SNX7: variants seen among roughly 807,000 people sequenced by gnomAD.
The protein encoded by SNX7 is sorting nexin-7.
SNX7 carries 35 observed loss-of-function variants against 48.4 expected under a neutral mutation model. The observed-to-expected ratio is 0.72, with a 90% confidence interval of 0.55 to 0.96. SNX7 has a LOEUF of 0.96. Ranked by LOEUF, SNX7 falls within the 40% of genes least tolerant of loss-of-function variation. The pLI is 0.00. For synonymous variants in SNX7, 190 were observed against 190.2 expected, an observed-to-expected ratio of 1.00 and a Z score of 0.01; for missense variants, 553 against 548.9, an observed-to-expected ratio of 1.01 and a Z score of -0.07.
chr1:98,667,044 A>G (rs1239568395), intron 1 of SNX7, among the ~76,000 whole-genome samples: 1 of 152,182 alleles, frequency 6.6e-6, no homozygotes, highest in East Asian at 1.9e-4. Context: ...TTGAGCCCTC[A>G]TGTATAATGG....
Position 98,743,764 on chromosome 1 carries a change from A to G in SNX7, c.1278+5375A>G, listed in dbSNP as rs555862504. ...TTGGGAAAATGGTGAAATAAATTCT[A>G]GTGACATGGTTGTTTGTTTTAAACT... On this transcript the variant is annotated intron_variant, in intron 8 of 8. Transcript: ENST00000306121. Among the ~76,000 whole-genome samples, 3 of 152,176 alleles carry G rather than the reference A, an allele frequency of 2.0e-5. No homozygotes were observed. In the South Asian group the frequency reaches 6.2e-4, roughly 32 times the overall value.
intron 8 of SNX7, among the ~76,000 whole-genome samples, chr1:98,755,268 T>C (rs1287046071): frequency 1.3e-5 from 2 of 152,110 alleles, no homozygotes; most frequent in Admixed American, 6.6e-5. Context: ...AAAGAAAATA[T>C]GTATTCTGCT....
chr1:98,704,324 C>G (rs779721312), intron 7 of SNX7, among the ~76,000 whole-genome samples: 1 of 152,128 alleles, frequency 6.6e-6, no homozygotes, highest in Non-Finnish European at 1.5e-5. Flanking sequence ...AGTTTCAAAA[C>G]AGACACATTT....
intron 7 of SNX7, among the ~76,000 whole-genome samples, chr1:98,702,763 G>A (rs2100977537): frequency 6.6e-6 from 1 of 152,226 alleles, no homozygotes; most frequent in African/African-American, 2.4e-5. Flanking sequence ...AGCAGGTATA[G>A]AAGTGGGAAA....
At position 98,738,400 on chromosome 1, in the gene SNX7, T is replaced by G; in HGVS notation, c.1278+11T>G. ...CATTATTATGAACAGGTAATTAGTG[T>G]TGTTTGATATTGCTTCATTTTAAAG... On this transcript the variant is annotated intron_variant, in intron 8 of 8. Transcript: ENST00000306121. The G allele has an allele frequency of 6.2e-7, 1 of 1,609,552 alleles. No homozygotes were observed. Among genetic ancestry groups the G allele is most frequent in the African/African-American group, 1.3e-5 (1 of 74,858 alleles).
At chr1:98,744,115 C>T (rs967705920) in intron 8 of SNX7, among the ~76,000 whole-genome samples, 10 of 151,910 alleles carry the variant, frequency 6.6e-5, no homozygotes. Flanking sequence ...ATGACAGTTC[C>T]ATCAGGAGAC....
At chr1:98,728,075 C>A (rs1653284920) in intron 7 of SNX7, among the ~76,000 whole-genome samples, 1 of 152,056 alleles carries the variant, frequency 6.6e-6, no homozygotes, top group Non-Finnish European at 1.5e-5. Context: ...AATCCCAAGA[C>A]ACATAATCTT....
At chr1:98,668,806 G>T (rs942117195) in intron 1 of SNX7, among the ~76,000 whole-genome samples, 1 of 152,190 alleles carries the variant, frequency 6.6e-6, no homozygotes, top group Admixed American at 6.5e-5. Flanking sequence ...AGAAGTTTCA[G>T]GTTAATTCAG....
chr1:98,713,839 A>G (rs1239523168), intron 7 of SNX7, among the ~76,000 whole-genome samples: 1 of 152,188 alleles, frequency 6.6e-6, no homozygotes, highest in Admixed American at 6.5e-5. Context: ...CCCTCTTCCA[A>G]ATTACAGTGG....
intron 4 of SNX7, 128 bp downstream of exon 4, chr1:98,691,827 A>G (rs990684414): frequency 1.1e-5 from 8 of 700,938 alleles, no homozygotes; most frequent in Non-Finnish European, 1.7e-5. Context: ...AATTTTTCAG[A>G]AACACTGGAG....
chr1:98,747,485 T>A (rs1277986716), intron 8 of SNX7, among the ~76,000 whole-genome samples: 1 of 152,192 alleles, frequency 6.6e-6, no homozygotes, highest in Non-Finnish European at 1.5e-5. Context: ...GTGATTTGCA[T>A]GTGGCATGAA....
At chr1:98,740,696 T>G (rs760003360) in intron 8 of SNX7, among the ~76,000 whole-genome samples, 14 of 152,202 alleles carry the variant, frequency 9.2e-5, no homozygotes, top group Non-Finnish European at 2.1e-4. Context: ...GTTCCTTTCT[T>G]AGAAACAGCT....
intron 2 of SNX7, among the ~76,000 whole-genome samples, chr1:98,688,257 A>G (rs1044877978): frequency 6.6e-6 from 1 of 152,216 alleles, no homozygotes; most frequent in Non-Finnish European, 1.5e-5. Context: ...AGGAATACTT[A>G]AGAATGATCC....
chr1:98,737,782 T>C (rs1235794057), intron 7 of SNX7, among the ~76,000 whole-genome samples: 2 of 152,112 alleles, frequency 1.3e-5, no homozygotes, highest in African/African-American at 2.4e-5. Context: ...TTATAACCTC[T>C]CAGTTAGTTG....
At chr1:98,694,369 CAAAAAAAAAA>C (rs775800995) in intron 4 of SNX7, among the ~76,000 whole-genome samples, 1 of 54,036 alleles carries the variant, frequency 1.9e-5, no homozygotes, top group Non-Finnish European at 4.0e-5. Flanking sequence ...GACTCCGTCT[CAAAAAAAAAA>C]AAAAAAAAAA....
At chr1:98,702,755 C>CA (rs2100977522) in intron 7 of SNX7, among the ~76,000 whole-genome samples, 2 of 152,182 alleles carry the variant, frequency 1.3e-5, no homozygotes, top group East Asian at 3.9e-4. Flanking sequence ...TATCAGAAAG[C>CA]AGGTATAGAA....
At chr1:98,673,587 A>G (rs74110426) in intron 1 of SNX7, among the ~76,000 whole-genome samples, 1,772 of 152,286 alleles carry the variant, frequency 0.012, 26 homozygotes, top group African/African-American at 0.04. Context: ...CTTGACCACT[A>G]TTGTATCCCC....
At chr1:98,713,436 C>T (rs1338895882) in intron 7 of SNX7, among the ~76,000 whole-genome samples, 3 of 144,524 alleles carry the variant, frequency 2.1e-5, no homozygotes, top group Non-Finnish European at 3.1e-5. Flanking sequence ...TTCTCCATAT[C>T]AGCAATAAGG....
chr1:98,695,841 C>A, intron 5 of SNX7, 125 bp downstream of exon 5: 1 of 714,870 alleles, frequency 1.4e-6, no homozygotes, highest in African/African-American at 1.8e-5. Context: ...TATTCCTAGC[C>A]ATCTTATGGA....
Sources: allele counts gnomAD v4.1 joint callset (sites outside exome capture counted in the v4.1 genomes callset), GRCh38; gene constraint gnomAD v4.1.1; transcripts MANE v1.5; gene names NCBI Gene and HGNC (gene_info 2026-07-23, HGNC 2026-07-21).